The following MED12L variants were observed in gnomAD, a reference collection of about 807,000 sequenced individuals.
MED12L encodes the protein mediator complex subunit 12L, also known as mediator of RNA polymerase II transcription subunit 12-like protein.
A neutral mutation model predicts 281.3 loss-of-function variants in MED12L; 60 were observed. The ratio of observed to expected loss-of-function variants is 0.21; its 90% CI spans 0.17 to 0.26. The LOEUF (loss-of-function observed/expected upper bound fraction) is 0.26, where lower values mean the gene tolerates loss of function less well. Among genes scored for constraint, MED12L ranks in the 10% least tolerant of loss-of-function variants. The pLI, the probability that MED12L is intolerant of heterozygous loss-of-function variation, is 1.00. For synonymous variants in MED12L, 974 were observed against 987.2 expected (o/e 0.99, Z 0.25); for missense variants, 2,146 against 2,680.9 (o/e 0.80, Z 4.41).
intron 16 of MED12L, among the ~76,000 whole-genome samples, chr3:151,203,795 A>T (rs533147141): frequency 1.3e-5 from 2 of 152,124 alleles, no homozygotes; most frequent in African/African-American, 4.8e-5. Context: ...AATTTTTTCT[A>T]TGCTTATGTA....
chr3:151,421,881 A>G (rs776659323), intron 43 of MED12L, among the ~76,000 whole-genome samples: 8 of 152,030 alleles, frequency 5.3e-5, no homozygotes, highest in Non-Finnish European at 7.4e-5. Context: ...TTTCTTTGCT[A>G]GAGAAGAGGG....
At chr3:151,244,681 G>A (rs970135822) in intron 16 of MED12L, among the ~76,000 whole-genome samples, 3 of 150,776 alleles carry the variant, frequency 2.0e-5, no homozygotes, top group African/African-American at 7.3e-5. Context: ...ATCCAAAATT[G>A]ACACCCTAAC....
At chr3:151,337,479 C>A in intron 16 of MED12L, 1 of 225,174 alleles carries the variant, frequency 4.4e-6, no homozygotes. Flanking sequence ...AAATTGTGAA[C>A]GATAATGTAT....
chr3:151,102,245 G>A (rs1002144009), intron 2 of MED12L, among the ~76,000 whole-genome samples: 10 of 152,116 alleles, frequency 6.6e-5, no homozygotes, highest in African/African-American at 2.4e-4. Context: ...GGCTGCTTGG[G>A]TGATAGTTAA....
intron 16 of MED12L, among the ~76,000 whole-genome samples, chr3:151,206,642 CTTTTTTTTTT>C (rs747558778): frequency 1.4e-5 from 1 of 70,316 alleles, no homozygotes; most frequent in Non-Finnish European, 2.4e-5. Context: ...AACACATTAT[CTTTTTTTTTT>C]TTTTTTTTTT....
chr3:151,104,804 C>T (rs1239518357), intron 2 of MED12L, among the ~76,000 whole-genome samples: 3 of 152,200 alleles, frequency 2.0e-5, no homozygotes, highest in African/African-American at 7.2e-5. Context: ...TTTGCCTCCT[C>T]CAGCTTCTGC....
chr3:151,265,502 A>G (rs990537277), intron 16 of MED12L, among the ~76,000 whole-genome samples: 1 of 152,110 alleles, frequency 6.6e-6, no homozygotes, highest in Non-Finnish European at 1.5e-5. Context: ...TCAACTGCCC[A>G]CTTGCCGGTC....
intron 15 of MED12L, among the ~76,000 whole-genome samples, chr3:151,192,982 A>G (rs560591163): frequency 2.0e-5 from 3 of 151,630 alleles, no homozygotes; most frequent in East Asian, 3.9e-4. Context: ...TTCAGCTTCT[A>G]TATAATAGCT....
At chr3:151,250,191 C>T (rs1346705620) in intron 16 of MED12L, among the ~76,000 whole-genome samples, 1 of 152,180 alleles carries the variant, frequency 6.6e-6, no homozygotes, top group Non-Finnish European at 1.5e-5. Flanking sequence ...TCTAGAACTG[C>T]CAAAGACCTC....
intron 16 of MED12L, among the ~76,000 whole-genome samples, chr3:151,315,150 G>T (rs1400560548): frequency 6.6e-6 from 1 of 152,134 alleles, no homozygotes; most frequent in African/African-American, 2.4e-5. Flanking sequence ...GAGCATACAA[G>T]GAACTAATGG....
chr3:151,413,653 A>G (rs1191715638), intron 42 of MED12L, among the ~76,000 whole-genome samples: 1 of 152,216 alleles, frequency 6.6e-6, no homozygotes, highest in Non-Finnish European at 1.5e-5. Flanking sequence ...GTGAAAACAA[A>G]AAACTGAGCC....
intron 42 of MED12L, 65 bp downstream of exon 42, chr3:151,413,360 T>A: frequency 1.3e-6 from 2 of 1,524,848 alleles, no homozygotes; most frequent in Non-Finnish European, 1.8e-6. Flanking sequence ...GCAACAGTCA[T>A]AAAAAATGAA....
chr3:151,097,253 T>A (rs190028943), intron 2 of MED12L, among the ~76,000 whole-genome samples: 1 of 152,322 alleles, frequency 6.6e-6, no homozygotes, highest in East Asian at 1.9e-4. Context: ...TACATGACAT[T>A]CTATATAAAT....
chr3:151,171,451 C>G (rs868747601), intron 11 of MED12L, among the ~76,000 whole-genome samples: 1 of 152,170 alleles, frequency 6.6e-6, no homozygotes, highest in African/African-American at 2.4e-5. Flanking sequence ...TTTCACTTCT[C>G]TCTTTGGGGG....
intron 16 of MED12L, among the ~76,000 whole-genome samples, chr3:151,329,842 T>G (rs1225134425): frequency 6.6e-6 from 1 of 152,176 alleles, no homozygotes; most frequent in African/African-American, 2.4e-5. Flanking sequence ...AAGAAAATAG[T>G]CCCAAATTAC....
intron 16 of MED12L, among the ~76,000 whole-genome samples, chr3:151,309,324 C>T (rs945814008): frequency 6.6e-6 from 1 of 152,088 alleles, no homozygotes; most frequent in Non-Finnish European, 1.5e-5. Context: ...AAATAGTAAC[C>T]TGTATATTTG....
intron 16 of MED12L, among the ~76,000 whole-genome samples, chr3:151,250,210 A>G (rs1736570468): frequency 6.6e-6 from 1 of 152,136 alleles, no homozygotes. Context: ...TCCTCATTGC[A>G]CATTCCTCAA....
chr3:151,124,190 T>G (rs1413632610), intron 4 of MED12L, among the ~76,000 whole-genome samples: 2 of 152,186 alleles, frequency 1.3e-5, no homozygotes, highest in South Asian at 4.1e-4. Context: ...TTTTCATAAG[T>G]TTTTAGAGTG....
intron 16 of MED12L, among the ~76,000 whole-genome samples, chr3:151,215,477 T>C (rs1032229772): frequency 1.3e-5 from 2 of 152,238 alleles, no homozygotes; most frequent in Admixed American, 6.5e-5. Context: ...AATTTTACTT[T>C]TTAAGACTCT....
Sources: allele counts gnomAD v4.1 joint callset (sites outside exome capture counted in the v4.1 genomes callset), GRCh38; gene constraint gnomAD v4.1.1; transcripts MANE v1.5; gene names NCBI Gene and HGNC (gene_info 2026-07-23, HGNC 2026-07-21).